Variants in GRIN2B observed in about 807,000 individuals in gnomAD.
The protein encoded by GRIN2B is glutamate ionotropic receptor NMDA type subunit 2B.
A neutral mutation model predicts 114.5 loss-of-function variants in GRIN2B; 5 were observed. That is an observed-to-expected ratio of 0.04 (90% confidence interval 0.02 to 0.09). GRIN2B has a LOEUF of 0.09. Ranked by LOEUF, GRIN2B falls within the 10% of genes least tolerant of loss-of-function variation. The pLI is 1.00. For missense variants in GRIN2B, 1,108 were observed against 1,943.5 expected (o/e 0.57, Z 8.08); for synonymous variants, 787 against 745.1 (o/e 1.06, Z -0.92).
intron 5 of GRIN2B, among the ~76,000 whole-genome samples, chr12:13,657,870 A>C (rs917894548): frequency 2.6e-5 from 4 of 152,200 alleles, no homozygotes; most frequent in African/African-American, 9.6e-5. Flanking sequence ...GATGTATAAT[A>C]CTATCTCAAT....
At chr12:13,676,674 G>A (rs1486567918) in intron 4 of GRIN2B, among the ~76,000 whole-genome samples, 3 of 152,116 alleles carry the variant, frequency 2.0e-5, no homozygotes, top group African/African-American at 4.8e-5. Flanking sequence ...AACAGAGGTG[G>A]CATGTAGGAG....
chr12:13,825,496 T>TTTTTTTTTGTGTG lies in GRIN2B; in HGVS notation c.411+40301_411+40302insCACACAAAAAAAA, dbSNP rs375940899. On this transcript the variant is annotated intron_variant, in intron 3 of 13. Coordinates refer to ENST00000609686, the MANE Select transcript of GRIN2B (RefSeq NM_000834.5). ...TATATATAATAAATATATATATATT[T>TTTTTTTTTGTGTG]TGTGTGTGTGTGTGTGTGTGTGTGT... Among the ~76,000 whole-genome samples the TTTTTTTTTGTGTG allele has an allele frequency of 1.3e-3, 164 of 122,962 alleles. 3 individuals are homozygous for TTTTTTTTTGTGTG. The highest frequency in any genetic ancestry group is 4.7e-3 in the African/African-American group (150 of 32,088). The allele number at this position is 122,962 out of a possible 152,430, so 80.7% of individuals were successfully genotyped here. A position where few individuals can be genotyped will look rare whatever the true frequency, so the allele number is the denominator to read the frequency against.
At chr12:13,827,949 G>C (rs538513655) in intron 3 of GRIN2B, among the ~76,000 whole-genome samples, 1 of 152,326 alleles carries the variant, frequency 6.6e-6, no homozygotes, top group East Asian at 1.9e-4. Flanking sequence ...CAAAGTGCTG[G>C]GATTCCAGGC....
intron 10 of GRIN2B, among the ~76,000 whole-genome samples, chr12:13,581,832 C>G (rs1948854504): frequency 6.6e-6 from 1 of 150,904 alleles, no homozygotes; most frequent in Non-Finnish European, 1.5e-5. Context: ...ATTGCTTGAA[C>G]TCAAGAGGCA....
chr12:13,571,287 A>G (rs1432260024), intron 11 of GRIN2B, among the ~76,000 whole-genome samples: 1 of 152,232 alleles, frequency 6.6e-6, no homozygotes, highest in Non-Finnish European at 1.5e-5. Context: ...AAGCCAACAC[A>G]TGTGTAGGTC....
At chr12:13,593,986 G>A (rs1949040771) in intron 10 of GRIN2B, among the ~76,000 whole-genome samples, 1 of 152,152 alleles carries the variant, frequency 6.6e-6, no homozygotes, top group African/African-American at 2.4e-5. Flanking sequence ...ACCATCTCAT[G>A]CCAGTTAGAA....
At chr12:13,912,526 G>A (rs1381124192) in intron 2 of GRIN2B, among the ~76,000 whole-genome samples, 3 of 152,138 alleles carry the variant, frequency 2.0e-5, no homozygotes, top group African/African-American at 7.2e-5. Flanking sequence ...AGAGCAATGG[G>A]CTCACTTGAG....
chr12:13,695,165 G>A (rs1300845875), intron 4 of GRIN2B, among the ~76,000 whole-genome samples: 1 of 152,124 alleles, frequency 6.6e-6, no homozygotes, highest in Non-Finnish European at 1.5e-5. Context: ...AAAGGAATTT[G>A]TATTTTGGGG....
intron 2 of GRIN2B, among the ~76,000 whole-genome samples, chr12:13,891,716 CTATT>C (rs1866266092): frequency 6.6e-6 from 1 of 152,136 alleles, no homozygotes; most frequent in Non-Finnish European, 1.5e-5. Flanking sequence ...ATTGAATCCT[CTATT>C]TAGCCTTAGA....
intron 10 of GRIN2B, among the ~76,000 whole-genome samples, chr12:13,600,644 C>A (rs1189441825): frequency 6.6e-6 from 1 of 152,136 alleles, no homozygotes; most frequent in African/African-American, 2.4e-5. Flanking sequence ...CTGATTTAAA[C>A]AACATGGCAC....
chr12:13,840,411 C>T (rs560362431), intron 3 of GRIN2B, among the ~76,000 whole-genome samples: 1 of 152,232 alleles, frequency 6.6e-6, no homozygotes, highest in Non-Finnish European at 1.5e-5. Flanking sequence ...TGCAGGGGAC[C>T]TTGTGATTCG....
intron 2 of GRIN2B, among the ~76,000 whole-genome samples, chr12:13,937,905 G>A (rs1026660687): frequency 6.6e-6 from 1 of 152,050 alleles, no homozygotes; most frequent in African/African-American, 2.4e-5. Flanking sequence ...CAAGAAACAG[G>A]AAATAAAAAT....
At chr12:13,828,650 C>G (rs897087454) in intron 3 of GRIN2B, among the ~76,000 whole-genome samples, 1 of 152,296 alleles carries the variant, frequency 6.6e-6, no homozygotes, top group Admixed American at 6.5e-5. Flanking sequence ...CCTTACTTTT[C>G]TTTTCTCAGG....
At chr12:13,606,493 G>A (rs1417258366) in intron 10 of GRIN2B, among the ~76,000 whole-genome samples, 2 of 152,182 alleles carry the variant, frequency 1.3e-5, no homozygotes, top group Non-Finnish European at 2.9e-5. Flanking sequence ...CTGTTCATGA[G>A]AGATCCACCC....
At chr12:13,602,563 A>G (rs945941641) in intron 10 of GRIN2B, among the ~76,000 whole-genome samples, 3 of 152,188 alleles carry the variant, frequency 2.0e-5, no homozygotes, top group African/African-American at 7.2e-5. Flanking sequence ...ACCACTCAAC[A>G]TTTCAGGGTA....
rs531269037 is a variant in GRIN2B at position 13,564,538 on chromosome 12, G to A, written c.2700C>T (p.Arg900=). ...TMNNTHSNIL[R]LLRTAKNMAN... is the part of the protein sequence containing the mutation. ...CCATGTTCTTGGCCGTGCGCAGCAGGCGCAGGATGTTGGAGTGTGTGTTGT... is the reference window on the plus strand; with the variant it reads ...CCATGTTCTTGGCCGTGCGCAGCAGACGCAGGATGTTGGAGTGTGTGTTGT... Residue 900 remains arginine (R), a synonymous_variant, in exon 14 of 14, where the codon CGC becomes CGT. Coordinates refer to ENST00000609686, the MANE Select transcript of GRIN2B (RefSeq NM_000834.5). This position sits in a 1 kb window ranked among gnomAD's most constrained non-coding sequence, Gnocchi z 4.8. The A allele has an allele frequency of 6.2e-7, 1 of 1,614,156 alleles. No individual in the cohort carries two copies. Among genetic ancestry groups the A allele is most frequent in the Non-Finnish European group, 8.5e-7 (1 of 1,180,004 alleles).
chr12:13,818,120 A>G (rs1864864490), intron 3 of GRIN2B, among the ~76,000 whole-genome samples: 1 of 152,176 alleles, frequency 6.6e-6, no homozygotes. Flanking sequence ...CATTTGTATG[A>G]TATGTTGATT....
At chr12:13,652,626 G>A (rs1432400745) in intron 5 of GRIN2B, among the ~76,000 whole-genome samples, 1 of 152,080 alleles carries the variant, frequency 6.6e-6, no homozygotes, top group Non-Finnish European at 1.5e-5. Context: ...TGGAAAAAGA[G>A]AAGGAAGAGG....
chr12:13,908,471 A>G (rs1207522726), intron 2 of GRIN2B, among the ~76,000 whole-genome samples: 1 of 152,220 alleles, frequency 6.6e-6, no homozygotes, highest in African/African-American at 2.4e-5. Context: ...GAAACTAAAG[A>G]TTAAAAGAGT....
Sources: allele counts gnomAD v4.1 joint callset (sites outside exome capture counted in the v4.1 genomes callset), GRCh38; gene constraint gnomAD v4.1.1; non-coding constraint Gnocchi (gnomAD v3.1); transcripts MANE v1.5; gene names NCBI Gene and HGNC (gene_info 2026-07-23, HGNC 2026-07-21).